The following MLLT6 variants were observed in gnomAD, a reference collection of about 807,000 sequenced individuals.
MLLT6 encodes protein AF-17.
MLLT6 carries 22 observed loss-of-function variants against 103.0 expected under a neutral mutation model. The ratio of observed to expected loss-of-function variants is 0.21; its 90% CI spans 0.15 to 0.31. The LOEUF (loss-of-function observed/expected upper bound fraction) is 0.31, where lower values mean the gene tolerates loss of function less well. MLLT6 is among the 10% of genes least tolerant of loss of function. The pLI is 1.00. For missense variants in MLLT6, 1,199 were observed against 1,441.7 expected, an observed-to-expected ratio of 0.83 and a Z score of 2.73; for synonymous variants, 606 against 623.5, an observed-to-expected ratio of 0.97 and a Z score of 0.42.
In MLLT6 at chr17:38,728,768, G is replaced by A. The variant is rs1302061521; in HGVS notation, c.*3170G>A. On this transcript the variant is annotated 3_prime_UTR_variant, in exon 20 of 20. Transcript: ENST00000621332. The stretch of plus-strand genomic sequence containing the variant: ...TCTCCACATGGCTGGCTGGCTGGCT[G>A]TCCCTGTGTGTGTGTGACACACGGT... 1 of 234,840 alleles carries A rather than the reference G, an allele frequency of 4.3e-6. No individual in the cohort carries two copies. The allele number at this position is 234,840 out of a possible 1,614,324, so 14.5% of individuals were successfully genotyped here.
intron 17 of MLLT6, 33 bp downstream of exon 17, chr17:38,722,260 A>C: frequency 7.5e-7 from 1 of 1,337,724 alleles, no homozygotes; most frequent in Non-Finnish European, 9.6e-7. Context: ...GAAGGGGAAC[A>C]GGGTGGGGGG....
In MLLT6 at chr17:38,707,816, G is replaced by A; in HGVS notation, c.298G>A (p.Val100Met). ...CATCCCCGAGGTGCAATTTGCCAAC[G>A]TGCTCACCATGGAGCCCATCGTGCT... ...LYIPEVQFAN[V>M]LTMEPIVLQY... Residue 100 changes from valine to methionine, a missense_variant, in exon 4 of 20, where the codon GTG becomes ATG. Val to Met is a conservative substitution (Grantham distance 21). Around this residue, in one of 7 missense-constraint regions of MLLT6, gnomAD observed 59 missense variants for 135.1 expected, o/e 0.44. Coordinates refer to ENST00000621332, the MANE Select transcript of MLLT6 (RefSeq NM_005937.4). 2 of 1,613,956 alleles carry A rather than the reference G, an allele frequency of 1.2e-6. No individual in the cohort carries two copies. Among genetic ancestry groups the A allele is most frequent in the Non-Finnish European group, 1.7e-6 (2 of 1,179,940 alleles).
rs1175129522 is a variant in MLLT6, at chr17:38,709,530, C to T, written c.507C>T (p.Asp169=). The T allele has an allele frequency of 1.2e-6, 2 of 1,614,116 alleles. No homozygotes were observed. Among genetic ancestry groups the T allele is most frequent in the Non-Finnish European group, 1.7e-6 (2 of 1,180,036 alleles). Residue 169 remains aspartate, a synonymous_variant, in exon 6 of 20, where the codon GAC becomes GAT. Coordinates refer to ENST00000621332, the MANE Select transcript of MLLT6 (RefSeq NM_005937.4). The surrounding 1 kb of genome is among the most constrained non-coding windows in gnomAD (Gnocchi z 4.3). ...LLCEEEVLEV[D]NVKYCGYCKY... ...GTGAGGAAGAAGTGCTGGAGGTGGA[C>T]AACGTCAAGTACTGCGGCTACTGCA... is the stretch of plus-strand genomic sequence containing the variant.
intron 18 of MLLT6, 28 bp downstream of exon 18, chr17:38,722,796 G>A: frequency 2.0e-6 from 3 of 1,533,460 alleles, no homozygotes; most frequent in Non-Finnish European, 1.8e-6. Context: ...CCTGCCTCAG[G>A]TGCCCCTTGG....
Position 38,717,668 on chromosome 17 carries a change from CAG to C in MLLT6, c.1833+58_1833+59del, listed in dbSNP as rs1905423430. 16 of 1,561,166 alleles carry C rather than the reference CAG, an allele frequency of 1.0e-5. No individual in the cohort carries two copies. The East Asian group carries it at 2.5e-4, about 24-fold the overall frequency. ...CCTGGGCAGGTTGGGGACAGACTGA[CAG>C]AGGACCCCAGCCTTCCATGGGAATT... is the stretch of plus-strand genomic sequence containing the variant. On this transcript the variant is annotated intron_variant, in intron 11 of 19. Coordinates refer to ENST00000621332, the MANE Select transcript of MLLT6 (RefSeq NM_005937.4).
chr17:38,717,812 T>C, intron 11 of MLLT6, 33 bp from the exon 12 acceptor site: 1 of 1,555,332 alleles, frequency 6.4e-7, no homozygotes. Flanking sequence ...GATCCAAGAA[T>C]AACCGCCAGG....
chr17:38,712,860 G>T, intron 8 of MLLT6, 71 bp downstream of exon 8: 1 of 1,144,662 alleles, frequency 8.7e-7, no homozygotes, highest in Non-Finnish European at 1.3e-6. Flanking sequence ...GCGGGGGCGA[G>T]AGGTTGGTGA....
rs370252798 is a variant in MLLT6, at chr17:38,722,749, C to G, written c.2864C>G (p.Ala955Gly). The change falls in exon 18 of 20, where the codon GCC (alanine) becomes GGC (glycine). Residue 955 changes from alanine to glycine, a missense_variant. Coordinates refer to ENST00000621332, the MANE Select transcript of MLLT6 (RefSeq NM_005937.4). ...QQLQQLQQLL[A>G]SPQLTPEHQT... ...CTCCAGCAACTCCAGCAGCTCCTGG[C>G]CTCCCCGCAGCTGACCCCGGTAATG... is the stretch of plus-strand genomic sequence containing the variant. The G allele has an allele frequency of 1.3e-6, 2 of 1,554,894 alleles. No homozygotes were observed. Among genetic ancestry groups the G allele is most frequent in the African/African-American group, 2.8e-5 (2 of 72,644 alleles).
Position 38,716,232 on chromosome 17 carries a change from A to G in MLLT6, c.1037-135A>G. 1.1e-6 allele frequency: 1 copy of G among 913,200 alleles called. No individual in the cohort carries two copies. Among genetic ancestry groups the G allele is most frequent in the Non-Finnish European group, 1.6e-6 (1 of 609,280 alleles). The allele number at this position is 913,200 out of a possible 1,614,324, so 56.6% of individuals were successfully genotyped here. A position where few individuals can be genotyped will look rare whatever the true frequency, so the allele number is the denominator to read the frequency against. On this transcript the variant is annotated intron_variant, in intron 9 of 19. Transcript: ENST00000621332. The surrounding 1 kb of genome is among the most constrained non-coding windows in gnomAD (Gnocchi z 5.6). ...CGGGGGTACTCATCCCAGGACACAG[A>G]CAGTGGCAGAGCTGAGACAGGAAAC...
rs1269650231 is a variant in MLLT6, at chr17:38,705,672, G to C, written c.40G>C (p.Glu14Gln). The change falls in exon 1 of 20, where the codon GAG (glutamate) becomes CAG (glutamine). Residue 14 changes from glutamate to glutamine, a missense_variant. Physicochemically the swap from Glu to Gln is conservative, Grantham distance 29 (BLOSUM62 2). Around this residue, in one of 7 missense-constraint regions of MLLT6, gnomAD observed 24 missense variants for 38.7 expected, o/e 0.62. Coordinates refer to ENST00000621332, the MANE Select transcript of MLLT6 (RefSeq NM_005937.4). ...AGGAGGCTGCTGCGTATGTTCGGAC[G>C]AGAGGGGCTGGGCCGAGAACCCGCT... The part of the protein sequence containing the change: ...MVGGCCVCSD[E>Q]RGWAENPLVY... The C allele has an allele frequency of 6.4e-7, 1 of 1,571,848 alleles. No individual in the cohort carries two copies. The highest frequency in any genetic ancestry group is 1.8e-5 in the Admixed American group (1 of 57,102).
chr17:38,719,498 A>G lies in MLLT6; in HGVS notation c.1943-19A>G, dbSNP rs1195245039. On this transcript the variant is annotated intron_variant, in intron 12 of 19. Transcript: ENST00000621332. ...GCTACCACTCCTCCACGCTGATCCC[A>G]GCCTTCCCTTCTTCCAAGAGCCAGA... 1 of 1,600,054 alleles carries G rather than the reference A, an allele frequency of 6.2e-7. No individual in the cohort carries two copies. The highest frequency in any genetic ancestry group is 2.2e-5 in the East Asian group (1 of 44,524).
At chr17:38,707,206 C>G (rs1412133886) in intron 2 of MLLT6, among the ~76,000 whole-genome samples, 177 bp downstream of exon 2, 4 of 152,230 alleles carry the variant, frequency 2.6e-5, no homozygotes, top group South Asian at 4.1e-4. Context: ...TCATCCCTCC[C>G]TCTGCCCCAC....
chr17:38,721,040 TGAGGGCTGTGAGAGAGAGAACGGGG>T, intron 16 of MLLT6: 2 of 511,042 alleles, frequency 3.9e-6, no homozygotes, highest in Non-Finnish European at 7.0e-6. Flanking sequence ...GGAGAGAAAT[TGAGGGCTGTGAGAGAGAGAACGGGG>T]GAGGGCTGCT....
Position 38,717,398 on chromosome 17 carries a change from A to G in MLLT6, c.1652-34A>G, listed in dbSNP as rs974658237. On this transcript the variant is annotated intron_variant, in intron 10 of 19. Transcript: ENST00000621332. ...TGAGCAGGAGTCTGGGGTGGAGAGT[A>G]ACCACGTGCTTCCCTCTGTCCTTGT... The G allele has an allele frequency of 3.9e-6, 6 of 1,521,572 alleles. No homozygotes were observed. The African/African-American group carries it at 8.3e-5, about 21-fold the overall frequency. 94.3% of individuals were successfully genotyped at this position (1,521,572 alleles called of 1,614,324 possible). A position where few individuals can be genotyped will look rare whatever the true frequency, so the allele number is the denominator to read the frequency against.
Position 38,722,650 on chromosome 17 carries a change from C to A in MLLT6, c.2793-28C>A, listed in dbSNP as rs775689370. On this transcript the variant is annotated intron_variant, in intron 17 of 19. Transcript: ENST00000621332. ...CCTCCCCCATGGTCTGTGTGTTGTC[C>A]CCCCCCCACCCCCCACCCCCACCTC... is the stretch of plus-strand genomic sequence containing the variant. 5.1e-4 allele frequency: 229 copies of A among 449,642 alleles called. 1 individual carries two copies. Among genetic ancestry groups the A allele is most frequent in the Non-Finnish European group, 8.2e-4 (197 of 241,404 alleles). 27.9% of individuals were successfully genotyped at this position (449,642 alleles called of 1,614,324 possible).
At chr17:38,712,988 G>A (rs1905196224) in intron 8 of MLLT6, 199 bp downstream of exon 8, 1 of 775,888 alleles carries the variant, frequency 1.3e-6, no homozygotes, top group Non-Finnish European at 2.4e-6. Flanking sequence ...CCAACCATGG[G>A]ATTGGGAGTT....
chr17:38,713,207 G>C (rs1905206383), intron 8 of MLLT6: 1 of 571,824 alleles, frequency 1.7e-6, no homozygotes, highest in Non-Finnish European at 3.1e-6. Flanking sequence ...ACTCTGTGCA[G>C]GTTGGAGGGG....
chr17:38,712,829 TG>T, intron 8 of MLLT6, 40 bp downstream of exon 8: 2 of 1,496,526 alleles, frequency 1.3e-6, no homozygotes, highest in Non-Finnish European at 1.9e-6. Flanking sequence ...TGTGTGGGTC[TG>T]GGGTGGCAGA....
chr17:38,720,991 AAAG>A (rs1463380254), intron 16 of MLLT6: 1 of 578,906 alleles, frequency 1.7e-6, no homozygotes, highest in African/African-American at 1.9e-5. Flanking sequence ...TACCCCAAGC[AAAG>A]AAGGAGTAAT....
Sources: allele counts gnomAD v4.1 joint callset (sites outside exome capture counted in the v4.1 genomes callset), GRCh38; gene constraint gnomAD v4.1.1; regional missense constraint gnomAD v4.1.1; non-coding constraint Gnocchi (gnomAD v3.1); transcripts MANE v1.5; gene names NCBI Gene and HGNC (gene_info 2026-07-23, HGNC 2026-07-21).